The following CRY1 variants were observed in gnomAD, a reference collection of about 807,000 sequenced individuals.
CRY1 encodes the protein cryptochrome circadian regulator 1.
A neutral mutation model predicts 76.0 loss-of-function variants in CRY1; 45 were observed. The ratio of observed to expected loss-of-function variants is 0.59; its 90% confidence interval spans 0.47 to 0.76. The LOEUF is 0.76. CRY1 is among the 30% of genes least tolerant of loss of function. CRY1 has a pLI of 0.00. For synonymous variants in CRY1, 248 were observed against 244.0 expected (o/e 1.02, Z -0.15); for missense variants, 587 against 716.4 (o/e 0.82, Z 2.06).
At chr12:107,041,937 GAAAACAGAAGA>G (rs1471421245) in intron 1 of CRY1, among the ~76,000 whole-genome samples, 11 of 152,128 alleles carry the variant, frequency 7.2e-5, no homozygotes, top group African/African-American at 2.7e-4. Flanking sequence ...CTGCGGAAAG[GAAAACAGAAGA>G]TGAACTGGAG....
chr12:107,076,840 C>A (rs945919743), intron 1 of CRY1, among the ~76,000 whole-genome samples: 8 of 151,998 alleles, frequency 5.3e-5, no homozygotes, highest in Admixed American at 3.9e-4. Context: ...ATGGCGAGTT[C>A]TCATGAAATC....
At chr12:107,040,236 ACAGTGT>A (rs1952781426) in intron 1 of CRY1, among the ~76,000 whole-genome samples, 1 of 151,552 alleles carries the variant, frequency 6.6e-6, no homozygotes, top group Non-Finnish European at 1.5e-5. Context: ...CGACAGGTAT[ACAGTGT>A]CAGTTATGAG....
chr12:107,040,234 A>T (rs1056306681), intron 1 of CRY1, among the ~76,000 whole-genome samples: 1 of 150,652 alleles, frequency 6.6e-6, no homozygotes, highest in African/African-American at 2.4e-5. Context: ...ATCGACAGGT[A>T]TACAGTGTCA....
chr12:107,079,480 T>C (rs1206504575), intron 1 of CRY1, among the ~76,000 whole-genome samples: 2 of 152,158 alleles, frequency 1.3e-5, no homozygotes, highest in African/African-American at 4.8e-5. Flanking sequence ...CCTTAGGTTA[T>C]TCAATTACAT....
At chr12:107,036,221 T>C (rs1811464790) in intron 1 of CRY1, among the ~76,000 whole-genome samples, 1 of 152,212 alleles carries the variant, frequency 6.6e-6, no homozygotes, top group African/African-American at 2.4e-5. Flanking sequence ...GAGCTGAGAA[T>C]TGAAATGTTG....
intron 7 of CRY1, among the ~76,000 whole-genome samples, chr12:106,998,879 C>A (rs1176412001): frequency 6.6e-6 from 1 of 151,742 alleles, no homozygotes; most frequent in South Asian, 2.1e-4. Context: ...CCTCTCTCTA[C>A]TAAAAATGCA....
chr12:107,013,684 C>T (rs1466359503), intron 2 of CRY1, among the ~76,000 whole-genome samples: 2 of 152,156 alleles, frequency 1.3e-5, no homozygotes, highest in Admixed American at 1.3e-4. Flanking sequence ...GTAGTAGCCA[C>T]TAGGCCACGT....
chr12:107,050,693 C>T (rs958501704), intron 1 of CRY1, among the ~76,000 whole-genome samples: 2 of 152,150 alleles, frequency 1.3e-5, no homozygotes, highest in African/African-American at 4.8e-5. Context: ...TCCCTCATAG[C>T]AGCACAAACA....
chr12:107,086,159 T>C (rs932938974), intron 1 of CRY1, among the ~76,000 whole-genome samples: 4 of 152,110 alleles, frequency 2.6e-5, no homozygotes, highest in Non-Finnish European at 4.4e-5. Context: ...AAAAAAAGTT[T>C]CTAAACAACA....
chr12:107,085,781 A>G (rs1480001622), intron 1 of CRY1, among the ~76,000 whole-genome samples: 1 of 152,180 alleles, frequency 6.6e-6, no homozygotes, highest in East Asian at 1.9e-4. Context: ...ATACCTACGT[A>G]ACAAACCTGC....
intron 1 of CRY1, among the ~76,000 whole-genome samples, chr12:107,051,370 T>C (rs957820672): frequency 1.3e-5 from 2 of 152,176 alleles, no homozygotes; most frequent in Non-Finnish European, 2.9e-5. Flanking sequence ...GGTAAAATAT[T>C]AGTGACCAAT....
chr12:107,022,341 C>G (rs977857351), intron 1 of CRY1, 149 bp from the exon 2 acceptor site: 6 of 375,016 alleles, frequency 1.6e-5, no homozygotes, highest in Non-Finnish European at 2.9e-5. Context: ...AAAAACCATA[C>G]TAATATATAT....
chr12:107,089,025 C>T (rs964661923), intron 1 of CRY1, among the ~76,000 whole-genome samples: 74 of 152,222 alleles, frequency 4.9e-4, no homozygotes, highest in South Asian at 1.2e-3. Flanking sequence ...TGGCTTCTTT[C>T]GTTTAGTTTG....
At chr12:107,022,976 G>A (rs1952574791) in intron 1 of CRY1, among the ~76,000 whole-genome samples, 1 of 152,098 alleles carries the variant, frequency 6.6e-6, no homozygotes, top group Admixed American at 6.6e-5. Flanking sequence ...CCAGAAGACT[G>A]CTTACTGTGC....
In CRY1 at chr12:107,028,895, G is replaced by A. The variant is rs114304321; in HGVS notation, c.159-6703C>T. Among the ~76,000 whole-genome samples, 168 of 152,238 alleles carry A rather than the reference G, an allele frequency of 1.1e-3. 1 individual carries two copies. Among genetic ancestry groups the A allele is most frequent in the African/African-American group, 3.7e-3 (155 of 41,548 alleles). On this transcript the variant is annotated intron_variant, in intron 1 of 12. Transcript: ENST00000008527. ...TACAATCTTTCCTTTATTTATATAGGTGATAAATACATTCCAGGGAAACTC... is the reference window on the plus strand; with the variant it reads ...TACAATCTTTCCTTTATTTATATAGATGATAAATACATTCCAGGGAAACTC...
At chr12:107,045,062 A>C (rs1240199343) in intron 1 of CRY1, among the ~76,000 whole-genome samples, 2 of 152,162 alleles carry the variant, frequency 1.3e-5, no homozygotes, top group African/African-American at 2.4e-5. Context: ...ATCATTCCTC[A>C]CGGCACATTA....
At chr12:107,084,430 T>C (rs1188776140) in intron 1 of CRY1, among the ~76,000 whole-genome samples, 1 of 152,128 alleles carries the variant, frequency 6.6e-6, no homozygotes, top group Non-Finnish European at 1.5e-5. Context: ...GACTTCAAAC[T>C]ATACTACAAG....
At chr12:107,009,563 C>CATATATGTATATATATATATAT (rs1952418261) in intron 2 of CRY1, among the ~76,000 whole-genome samples, 1 of 90,970 alleles carries the variant, frequency 1.1e-5, no homozygotes, top group Non-Finnish European at 2.1e-5. Flanking sequence ...AACAAAAAAA[C>CATATATGTATATATATATATAT]ATATATATAT....
chr12:107,092,692 A>G lies in CRY1; in HGVS notation c.158+112T>C, dbSNP rs1334359905. On this transcript the variant is annotated intron_variant, in intron 1 of 12. Transcript: ENST00000008527. ...AGGGCACCTAAAATTCGTAAGCGGTATAAGCAAGACAGTCCCACGTCTAAA... is the reference window on the plus strand; with the variant it reads ...AGGGCACCTAAAATTCGTAAGCGGTGTAAGCAAGACAGTCCCACGTCTAAA... 4.7e-6 allele frequency: 7 copies of G among 1,475,504 alleles called. No individual in the cohort carries two copies. In the African/African-American group the frequency reaches 7.0e-5, roughly 15 times the overall value. 91.4% of individuals were successfully genotyped at this position (1,475,504 alleles called of 1,614,324 possible).
Sources: gnomAD v4.1 joint callset for allele counts (sites outside exome capture counted in the v4.1 genomes callset) on GRCh38, gnomAD v4.1.1 for gene constraint, MANE v1.5 for transcripts, NCBI Gene and HGNC (gene_info 2026-07-23, HGNC 2026-07-21) for gene names.